The following PEX14 variants were observed in gnomAD, a reference collection of about 807,000 sequenced individuals.
The protein encoded by PEX14 is peroxisomal biogenesis factor 14.
PEX14 carries 15 observed loss-of-function variants against 49.5 expected under a neutral mutation model. The ratio of observed to expected loss-of-function variants is 0.30; its 90% CI spans 0.20 to 0.47. The LOEUF (loss-of-function observed/expected upper bound fraction) is 0.47, where lower values mean the gene tolerates loss of function less well. Ranked by LOEUF, PEX14 falls within the 20% of genes least tolerant of loss-of-function variation. The pLI, the probability that PEX14 is intolerant of heterozygous loss-of-function variation, is 1.00. For synonymous variants in PEX14, 210 were observed against 212.7 expected (o/e 0.99, Z 0.11); for missense variants, 398 against 494.8 (o/e 0.80, Z 1.86).
chr1:10,499,242 A>G (rs991009774), intron 2 of PEX14, among the ~76,000 whole-genome samples: 1 of 152,214 alleles, frequency 6.6e-6, no homozygotes. Flanking sequence ...GTTCAGCAAT[A>G]CTATAGCTCA....
intron 3 of PEX14, among the ~76,000 whole-genome samples, chr1:10,550,246 C>G (rs145012128): frequency 7.5e-4 from 114 of 152,310 alleles, no homozygotes; most frequent in Admixed American, 1.2e-3. Flanking sequence ...GAAAGGACAG[C>G]AAGCTCTCAA....
At chr1:10,532,175 C>T (rs769835110) in intron 2 of PEX14, among the ~76,000 whole-genome samples, 4 of 152,220 alleles carry the variant, frequency 2.6e-5, no homozygotes, top group Admixed American at 6.5e-5. Flanking sequence ...AAGTCCCCCC[C>T]GCTTTTTTCC....
intron 3 of PEX14, among the ~76,000 whole-genome samples, chr1:10,546,563 CAA>C (rs35214823): frequency 1.5e-4 from 7 of 47,778 alleles, no homozygotes; most frequent in Non-Finnish European, 1.9e-4. Context: ...GACTCTGTTT[CAA>C]AAAAAAAAAA....
At chr1:10,497,114 A>G (rs1441132129) in intron 2 of PEX14, among the ~76,000 whole-genome samples, 2 of 152,144 alleles carry the variant, frequency 1.3e-5, no homozygotes, top group African/African-American at 4.8e-5. Context: ...TTTTATATTA[A>G]ACTCCCACAG....
chr1:10,525,346 A>G (rs1425003217), intron 2 of PEX14, among the ~76,000 whole-genome samples: 1 of 151,988 alleles, frequency 6.6e-6, no homozygotes, highest in East Asian at 1.9e-4. Flanking sequence ...CATTTTCCTC[A>G]TCTGCGTCAG....
intron 2 of PEX14, among the ~76,000 whole-genome samples, chr1:10,520,793 C>A (rs900589986): frequency 6.6e-6 from 1 of 152,138 alleles, no homozygotes; most frequent in Non-Finnish European, 1.5e-5. Context: ...TGTTTATGAG[C>A]CTTTATTATA....
intron 2 of PEX14, among the ~76,000 whole-genome samples, chr1:10,515,018 C>T (rs1196897308): frequency 1.3e-5 from 2 of 152,170 alleles, no homozygotes; most frequent in Admixed American, 6.5e-5. Context: ...GGGAAGAGAG[C>T]GCAGAGGGAG....
intron 1 of PEX14, among the ~76,000 whole-genome samples, chr1:10,485,904 C>T (rs1241815047): frequency 1.3e-5 from 2 of 149,272 alleles, no homozygotes; most frequent in African/African-American, 2.6e-5. Flanking sequence ...TGCAGACGCC[C>T]GCCACCACGC....
intron 3 of PEX14, among the ~76,000 whole-genome samples, chr1:10,550,730 C>T (rs1639310498): frequency 6.6e-6 from 1 of 152,178 alleles, no homozygotes; most frequent in Admixed American, 6.5e-5. Flanking sequence ...TGGAAGCCCA[C>T]CCAATTTGAG....
chr1:10,491,012 T>C (rs1557808564), intron 1 of PEX14, among the ~76,000 whole-genome samples: 1 of 151,698 alleles, frequency 6.6e-6, no homozygotes, highest in Non-Finnish European at 1.5e-5. Flanking sequence ...TTTTTTTTTT[T>C]TAATCATGGA....
In PEX14 at chr1:10,597,598, C is replaced by T. The variant is rs932715665; in HGVS notation, c.170-1640C>T. ...CAGCTTTTGTCTTTGGAAGGTGGTA[C>T]GTGATGCGCTGTGAACCCTGGAAGC... On this transcript the variant is annotated intron_variant, in intron 3 of 8. Coordinates refer to ENST00000356607, the MANE Select transcript of PEX14 (RefSeq NM_004565.3). The surrounding 1 kb of genome is among the most constrained non-coding windows in gnomAD (Gnocchi z 5.7). Among the ~76,000 whole-genome samples the T allele has an allele frequency of 9.2e-5, 14 of 152,196 alleles. No individual in the cohort carries two copies. The highest frequency in any genetic ancestry group is 1.9e-4 in the East Asian group (1 of 5,202).
rs565053229 is a variant in PEX14, at chr1:10,575,816, G to A, written c.170-23422G>A. Among the ~76,000 whole-genome samples the A allele has an allele frequency of 2.0e-5, 3 of 152,226 alleles. No individual in the cohort carries two copies. The East Asian group carries it at 5.8e-4, about 29-fold the overall frequency. On this transcript the variant is annotated intron_variant, in intron 3 of 8. Transcript: ENST00000356607. Reference sequence around the variant, plus strand: ...TGAAATGTGGAAGTGTTGACTCATAGGATATGATGGTTTTAAGACTCTGGG... The same window carrying A: ...TGAAATGTGGAAGTGTTGACTCATAAGATATGATGGTTTTAAGACTCTGGG...
chr1:10,581,706 TATAAA>T (rs1362156197), intron 3 of PEX14, among the ~76,000 whole-genome samples: 1 of 150,566 alleles, frequency 6.6e-6, no homozygotes. Flanking sequence ...GTGTTAAACT[TATAAA>T]ATAATTTATA....
chr1:10,508,697 T>G (rs2124431448), intron 2 of PEX14, among the ~76,000 whole-genome samples: 1 of 152,304 alleles, frequency 6.6e-6, no homozygotes, highest in South Asian at 2.1e-4. Flanking sequence ...AACCAGATGG[T>G]TGCAGTCCAC....
At chr1:10,510,552 A>C (rs761061770) in intron 2 of PEX14, among the ~76,000 whole-genome samples, 2 of 152,192 alleles carry the variant, frequency 1.3e-5, no homozygotes, top group Admixed American at 1.3e-4. Flanking sequence ...TTAGGTGCCA[A>C]AGTAGGAAAG....
At chr1:10,614,579 C>T (rs1641360213) in intron 4 of PEX14, among the ~76,000 whole-genome samples, 1 of 152,124 alleles carries the variant, frequency 6.6e-6, no homozygotes, top group Non-Finnish European at 1.5e-5. Context: ...CTTCTCATGG[C>T]GGGATGTTTG....
At chr1:10,574,737 G>C (rs1640073015) in intron 3 of PEX14, among the ~76,000 whole-genome samples, 1 of 152,138 alleles carries the variant, frequency 6.6e-6, no homozygotes, top group Admixed American at 6.5e-5. Context: ...GCGTCAACAA[G>C]AGACATAACT....
At chr1:10,543,752 AC>A (rs1192677680) in intron 3 of PEX14, among the ~76,000 whole-genome samples, 1 of 152,128 alleles carries the variant, frequency 6.6e-6, no homozygotes, top group African/African-American at 2.4e-5. Context: ...GACTACAGGC[AC>A]GTGCCACCAC....
intron 4 of PEX14, among the ~76,000 whole-genome samples, chr1:10,602,128 C>A (rs185155192): frequency 4.3e-4 from 66 of 152,292 alleles, no homozygotes; most frequent in Non-Finnish European, 6.9e-4. Context: ...TTATTTAAAT[C>A]ATACTCATGT....
Sources: gnomAD v4.1 joint callset for allele counts (sites outside exome capture counted in the v4.1 genomes callset) on GRCh38, gnomAD v4.1.1 for gene constraint, Gnocchi (gnomAD v3.1) non-coding constraint, MANE v1.5 for transcripts, NCBI Gene and HGNC (gene_info 2026-07-23, HGNC 2026-07-21) for gene names.